The following AKR1C1 variants were observed in gnomAD, a reference collection of about 807,000 sequenced individuals.
The protein encoded by AKR1C1 is aldo-keto reductase family 1 member C1.
AKR1C1 carries 32 observed loss-of-function variants against 40.6 expected under a neutral mutation model. The observed-to-expected ratio is 0.79, with a 90% CI of 0.60 to 1.06. The LOEUF is 1.06. Ranked by LOEUF, AKR1C1 falls within the 50% of genes least tolerant of loss-of-function variation. The pLI, the probability that AKR1C1 is intolerant of heterozygous loss-of-function variation, is 0.00. For synonymous variants in AKR1C1, 105 were observed against 134.2 expected (o/e 0.78, Z 1.50); for missense variants, 320 against 363.5 (o/e 0.88, Z 0.97).
In AKR1C1 at chr10:4,980,817, T is replaced by A. The variant is rs1374852515; in HGVS notation, c.*3075T>A. The A allele has an allele frequency of 3.9e-5, 6 of 152,186 alleles. No homozygotes were observed. Among genetic ancestry groups the A allele is most frequent in the African/African-American group, 1.4e-4 (6 of 41,440 alleles). The allele number at this position is 152,186 out of a possible 1,614,324, so 9.4% of individuals were successfully genotyped here. The stretch of plus-strand genomic sequence containing the variant: ...TCCTGTTCAAGTAAATGTTTTGCCC[T>A]CCTGTCACGAATCATGAATGTTTTT... On this transcript the variant is annotated 3_prime_UTR_variant, in exon 9 of 9. Transcript: ENST00000380872.
rs1417408546 is a variant in AKR1C1, at chr10:4,968,854, C to G, written c.480C>G (p.Ala160=). ...AVEKCKDAGL[A]KSIGVSNFNR... ...AGAAGTGTAAAGATGCAGGATTGGC[C>G]AAGTCCATCGGGGTGTCCAACTTCA... is the stretch of plus-strand genomic sequence containing the variant. Residue 160 remains alanine, a synonymous_variant, in exon 5 of 9, where the codon GCC becomes GCG. Transcript: ENST00000380872. 3.1e-6 allele frequency: 5 copies of G among 1,614,018 alleles called. No homozygotes were observed. The African/African-American group carries it at 6.7e-5, about 22-fold the overall frequency.
At chr10:4,974,788 C>T (rs1411245710) in intron 7 of AKR1C1, among the ~76,000 whole-genome samples, 2 of 151,978 alleles carry the variant, frequency 1.3e-5, no homozygotes, top group African/African-American at 4.8e-5. Context: ...CTTTTCTGTA[C>T]TATGATGTTA....
rs1564321697 is a variant in AKR1C1, at chr10:4,983,092, T to G, written c.*5350T>G. On this transcript the variant is annotated 3_prime_UTR_variant, in exon 9 of 9. Transcript: ENST00000380872. ...AAGCCTGGGCTGGATGGCTGGAGGA[T>G]GAAGAACTGCACGGAGGAGATGGAG... 1 of 344,260 alleles carries G rather than the reference T, an allele frequency of 2.9e-6. No homozygotes were observed. The highest frequency in any genetic ancestry group is 2.2e-5 in the African/African-American group (1 of 45,964). 21.3% of individuals were successfully genotyped at this position (344,260 alleles called of 1,614,324 possible). A position where few individuals can be genotyped will look rare whatever the true frequency, so the allele number is the denominator to read the frequency against.
rs1356233451 is a variant in AKR1C1, at chr10:4,982,921, G to C, written c.*5179G>C. On this transcript the variant is annotated 3_prime_UTR_variant, in exon 9 of 9. Coordinates refer to ENST00000380872, the MANE Select transcript of AKR1C1 (RefSeq NM_001353.6). ...GGTCTTGAGTCGGTCCGCATGACAA[G>C]TTCACCGCTCGCATAACCAGCATTC... 1 of 449,454 alleles carries C rather than the reference G, an allele frequency of 2.2e-6. No individual in the cohort carries two copies. Among genetic ancestry groups the C allele is most frequent in the Non-Finnish European group, 4.5e-6 (1 of 224,356 alleles). 27.8% of individuals were successfully genotyped at this position (449,454 alleles called of 1,614,324 possible). A position where few individuals can be genotyped will look rare whatever the true frequency, so the allele number is the denominator to read the frequency against.
intron 8 of AKR1C1, among the ~76,000 whole-genome samples, chr10:4,976,365 G>A (rs1836526174): frequency 6.6e-6 from 1 of 151,946 alleles, no homozygotes; most frequent in Non-Finnish European, 1.5e-5. Flanking sequence ...AATCTTGTGG[G>A]CCAGGTTCCA....
intron 2 of AKR1C1, 110 bp downstream of exon 2, chr10:4,966,191 C>T (rs7908994): frequency 0.12 from 174,643 of 1,495,446 alleles, 10,802 homozygotes; most frequent in South Asian, 0.18. Flanking sequence ...TTATTTATTA[C>T]GATTTATTCA....
chr10:4,971,709 C>T (rs1300095404), intron 5 of AKR1C1, among the ~76,000 whole-genome samples: 1 of 150,972 alleles, frequency 6.6e-6, no homozygotes, highest in African/African-American at 2.4e-5. Context: ...TGTATATTTT[C>T]TAGTTCATCT....
intron 5 of AKR1C1, among the ~76,000 whole-genome samples, chr10:4,970,973 AC>A (rs201990662): frequency 7.8e-4 from 116 of 149,656 alleles, no homozygotes; most frequent in African/African-American, 2.6e-3. Flanking sequence ...AAAAAAAAAA[AC>A]TTGGTTAAGC....
rs1554771236 is a variant in AKR1C1 at position 4,982,866 on chromosome 10, C to G, written c.*5124C>G. The G allele has an allele frequency of 2.4e-6, 1 of 416,900 alleles. No individual in the cohort carries two copies. The allele number at this position is 416,900 out of a possible 1,614,324, so 25.8% of individuals were successfully genotyped here. On this transcript the variant is annotated 3_prime_UTR_variant, in exon 9 of 9. Coordinates refer to ENST00000380872, the MANE Select transcript of AKR1C1 (RefSeq NM_001353.6). ...AATGCCTGCATGAGCTCAGCTGTTA[C>G]CACTGCGTACCACACCCTGACCAGT...
rs764599338 is a variant in AKR1C1, at chr10:4,966,949, C to G, written c.275C>G (p.Pro92Arg). 4.3e-6 allele frequency: 7 copies of G among 1,613,338 alleles called. No homozygotes were observed. The highest frequency in any genetic ancestry group is 5.9e-6 in the Non-Finnish European group (7 of 1,179,652). ...TSKLWCNSHR[P>R]ELVRPALERS... ...CAGCTTTGGTGCAATTCCCATCGACCAGAGTTGGTCCGACCAGCCTTGGAA... is the reference window on the plus strand; with the variant it reads ...CAGCTTTGGTGCAATTCCCATCGACGAGAGTTGGTCCGACCAGCCTTGGAA... Residue 92 changes from proline to arginine, a missense_variant, in exon 3 of 9, where the codon CCA (proline) becomes CGA (arginine). Physicochemically the swap from Pro to Arg is moderately radical, Grantham distance 103 (BLOSUM62 -2). Transcript: ENST00000380872.
rs184786904 is a variant in AKR1C1 at position 4,975,598 on chromosome 10, G to C, written c.847-253G>C. The stretch of plus-strand genomic sequence containing the variant: ...CAAAGTAAGCTCTGTTTCTTCTTCA[G>C]CTTCCTCTGAGATATTCTCTTCATC... On this transcript the variant is annotated intron_variant, in intron 7 of 8. Transcript: ENST00000380872. 3.5e-3 allele frequency among the ~76,000 whole-genome samples: 528 copies of C among 151,494 alleles called. 8 individuals are homozygous for C. The highest frequency in any genetic ancestry group is 0.012 in the African/African-American group (508 of 41,376).
rs79385704 is a variant in AKR1C1, at chr10:4,971,738, G to C, written c.571-463G>C. Reference sequence around the variant, plus strand: ...TTCATCTATATAGATATATATCATAGATGGCATATATGATATATATATTAT... The same window carrying C: ...TTCATCTATATAGATATATATCATACATGGCATATATGATATATATATTAT... On this transcript the variant is annotated intron_variant, in intron 5 of 8. Coordinates refer to ENST00000380872, the MANE Select transcript of AKR1C1 (RefSeq NM_001353.6). Among the ~76,000 whole-genome samples, 22 of 150,192 alleles carry C rather than the reference G, an allele frequency of 1.5e-4. No homozygotes were observed. The East Asian group carries it at 3.3e-3, about 23-fold the overall frequency.
rs1454445045 is a variant in AKR1C1, at chr10:4,963,486, C to T, written c.42C>T (p.His14=). 2 of 1,613,838 alleles carry T rather than the reference C, an allele frequency of 1.2e-6. No homozygotes were observed. The highest frequency in any genetic ancestry group is 1.1e-5 in the South Asian group (1 of 91,066). The change falls in exon 1 of 9, where the codon CAC becomes CAT. Residue 14 remains histidine (H), a synonymous_variant. Coordinates refer to ENST00000380872, the MANE Select transcript of AKR1C1 (RefSeq NM_001353.6). Reference sequence around the variant, plus strand: ...AGTGTGTGAAGCTGAATGATGGTCACTTCATGCCTGTCCTGGGATTTGGCA... The same window carrying T: ...AGTGTGTGAAGCTGAATGATGGTCATTTCATGCCTGTCCTGGGATTTGGCA... ...KYQCVKLNDG[H]FMPVLGFGTY...
chr10:4,967,200 A>AGAAAG (rs1836347286), intron 3 of AKR1C1, 157 bp downstream of exon 3: 3 of 987,474 alleles, frequency 3.0e-6, no homozygotes, highest in Admixed American at 3.1e-5. Flanking sequence ...TCTATGGGAT[A>AGAAAG]CATTTTGAAT....
chr10:4,964,868 T>C (rs1265588624), intron 1 of AKR1C1, among the ~76,000 whole-genome samples: 1 of 152,230 alleles, frequency 6.6e-6, no homozygotes, highest in Non-Finnish European at 1.5e-5. Flanking sequence ...TAGACTGCTA[T>C]CCATAGACAG....
chr10:4,963,860 G>A (rs1276444770), intron 1 of AKR1C1: 1 of 765,062 alleles, frequency 1.3e-6, no homozygotes, highest in Non-Finnish European at 2.4e-6. Context: ...CTTCTTCCAA[G>A]AAGATACAAT....
chr10:4,964,902 T>C (rs1282261842), intron 1 of AKR1C1, among the ~76,000 whole-genome samples: 1 of 152,212 alleles, frequency 6.6e-6, no homozygotes, highest in Non-Finnish European at 1.5e-5. Context: ...ATAAACCTGC[T>C]GGTATCTGAT....
intron 5 of AKR1C1, among the ~76,000 whole-genome samples, chr10:4,970,537 T>C (rs1836407010): frequency 6.6e-6 from 1 of 151,992 alleles, no homozygotes; most frequent in African/African-American, 2.4e-5. Flanking sequence ...CCACTAGTGG[T>C]GAAGGTAGTT....
Position 4,968,821 on chromosome 10 carries a change from G to A in AKR1C1, c.448-1G>A, listed in dbSNP as rs1564315879. The A allele has an allele frequency of 1.9e-6, 3 of 1,613,978 alleles. No homozygotes were observed. The highest frequency in any genetic ancestry group is 8.5e-7 in the Non-Finnish European group (1 of 1,179,988). On this transcript the variant is annotated splice_acceptor_variant, in intron 4 of 8. Transcript: ENST00000380872. LOFTEE classifies it high-confidence loss of function. Reference sequence around the variant, plus strand: ...CACACCTCACAATTCCTTTTTCCCAGGCCGTGGAGAAGTGTAAAGATGCAG... The same window carrying A: ...CACACCTCACAATTCCTTTTTCCCAAGCCGTGGAGAAGTGTAAAGATGCAG...
Sources: allele counts gnomAD v4.1 joint callset (sites outside exome capture counted in the v4.1 genomes callset), GRCh38; gene constraint gnomAD v4.1.1; transcripts MANE v1.5; gene names NCBI Gene and HGNC (gene_info 2026-07-23, HGNC 2026-07-21).